The following LDLRAD4 variants were observed in gnomAD, a reference collection of about 807,000 sequenced individuals.
The protein encoded by LDLRAD4 is low-density lipoprotein receptor class A domain-containing protein 4.
A neutral mutation model predicts 17.0 loss-of-function variants in LDLRAD4; 5 were observed. The ratio of observed to expected loss-of-function variants is 0.29; its 90% CI spans 0.15 to 0.62. The LOEUF (loss-of-function observed/expected upper bound fraction) is 0.62, where lower values mean the gene tolerates loss of function less well. LDLRAD4 is among the 20% of genes least tolerant of loss of function. The pLI is 0.84. For synonymous variants in LDLRAD4, 168 were observed against 171.8 expected (o/e 0.98, Z 0.17); for missense variants, 340 against 424.7 (o/e 0.80, Z 1.75).
chr18:13,423,715 T>C (rs1014827693), intron 2 of LDLRAD4: 3 of 152,660 alleles, frequency 2.0e-5, no homozygotes, highest in African/African-American at 7.2e-5. Context: ...TAGAAAGCCC[T>C]GTTCACGTTT....
At chr18:13,294,739 C>T (rs747425998) in intron 1 of LDLRAD4, among the ~76,000 whole-genome samples, 11 of 151,718 alleles carry the variant, frequency 7.3e-5, no homozygotes, top group African/African-American at 2.4e-4. Context: ...AGGAAAATTC[C>T]GGTTGCAGAC....
At chr18:13,373,610 A>G (rs956097336) in intron 1 of LDLRAD4, among the ~76,000 whole-genome samples, 2 of 152,242 alleles carry the variant, frequency 1.3e-5, no homozygotes, top group African/African-American at 2.4e-5. Flanking sequence ...AGATTAATAT[A>G]TGCATTTTGA....
intron 1 of LDLRAD4, among the ~76,000 whole-genome samples, chr18:13,368,660 A>C (rs1332843401): frequency 6.6e-6 from 1 of 152,170 alleles, no homozygotes; most frequent in African/African-American, 2.4e-5. Context: ...AGATTTCTCC[A>C]GTCACTTTTA....
chr18:13,636,553 C>T lies in LDLRAD4; in HGVS notation c.337-6806C>T, dbSNP rs577738560. ...CTCTGTCGCCCAGGCTGGAGTGCAG[C>T]GGCGCGATCTCTGCTCACTACAACC... On this transcript the variant is annotated intron_variant, in intron 4 of 5. Coordinates refer to ENST00000359446, the Ensembl canonical transcript of LDLRAD4. Among the ~76,000 whole-genome samples the T allele has an allele frequency of 4.6e-3, 287 of 61,866 alleles. 3 individuals are homozygous for T. The highest frequency in any genetic ancestry group is 0.011 in the East Asian group (24 of 2,106). The allele number at this position is 61,866 out of a possible 152,430, so 40.6% of individuals were successfully genotyped here. A position where few individuals can be genotyped will look rare whatever the true frequency, so the allele number is the denominator to read the frequency against.
chr18:13,371,684 G>A (rs573977036), intron 1 of LDLRAD4, among the ~76,000 whole-genome samples: 2 of 152,118 alleles, frequency 1.3e-5, no homozygotes, highest in South Asian at 4.2e-4. Context: ...AGAATCGCCT[G>A]AACCCGAGAG....
chr18:13,596,759 C>A (rs2095101198), intron 3 of LDLRAD4, among the ~76,000 whole-genome samples: 1 of 152,128 alleles, frequency 6.6e-6, no homozygotes, highest in Non-Finnish European at 1.5e-5. Context: ...TTTTCTAGTT[C>A]TCTTCATTTG....
intron 3 of LDLRAD4, among the ~76,000 whole-genome samples, chr18:13,605,274 T>C (rs1568395783): frequency 1.3e-5 from 2 of 152,230 alleles, no homozygotes; most frequent in East Asian, 3.8e-4. Flanking sequence ...CTGGGGTGCA[T>C]TGGCACAATC....
intron 1 of LDLRAD4, among the ~76,000 whole-genome samples, chr18:13,255,573 G>A (rs1226234745): frequency 1.3e-5 from 2 of 152,222 alleles, no homozygotes; most frequent in African/African-American, 4.8e-5. Flanking sequence ...AGGGCCCAGG[G>A]TCCAGGTGGG....
chr18:13,649,839 C>A (rs1292538473), exon 6 of LDLRAD4: 1 of 392,532 alleles, frequency 2.5e-6, no homozygotes, highest in Non-Finnish European at 4.5e-6. Flanking sequence ...AGCCTTCATG[C>A]CACGAACATG....
At chr18:13,235,694 C>A (rs1457450069) in intron 1 of LDLRAD4, among the ~76,000 whole-genome samples, 1 of 152,188 alleles carries the variant, frequency 6.6e-6, no homozygotes, top group African/African-American at 2.4e-5. Context: ...CATATGCGAT[C>A]GGCTTTGGTT....
chr18:13,339,048 G>C (rs2082243536), intron 1 of LDLRAD4, among the ~76,000 whole-genome samples: 1 of 151,986 alleles, frequency 6.6e-6, no homozygotes, highest in Non-Finnish European at 1.5e-5. Context: ...ATTTTTGTAG[G>C]GAAAAAGGAG....
intron 1 of LDLRAD4, among the ~76,000 whole-genome samples, chr18:13,383,484 C>G (rs1191210414): frequency 6.6e-6 from 1 of 152,176 alleles, no homozygotes; most frequent in African/African-American, 2.4e-5. Context: ...GTTGTTTGGG[C>G]TGAGACTGGA....
chr18:13,226,219 C>T (rs1445366769), intron 1 of LDLRAD4, among the ~76,000 whole-genome samples: 1 of 97,998 alleles, frequency 1.0e-5, no homozygotes, highest in South Asian at 3.3e-4. Flanking sequence ...CCGGGTTTCG[C>T]CATGTTGCCC....
chr18:13,537,045 T>G (rs2094210247), intron 3 of LDLRAD4, among the ~76,000 whole-genome samples: 1 of 152,232 alleles, frequency 6.6e-6, no homozygotes, highest in Non-Finnish European at 1.5e-5. Flanking sequence ...CTAAGGACTT[T>G]TGCATCTGGC....
chr18:13,406,623 A>G (rs1451949340), intron 2 of LDLRAD4, among the ~76,000 whole-genome samples: 1 of 152,040 alleles, frequency 6.6e-6, no homozygotes, highest in South Asian at 2.1e-4. Context: ...CATTCTGACT[A>G]TCTCTGAGCG....
intron 3 of LDLRAD4, among the ~76,000 whole-genome samples, chr18:13,449,946 C>T (rs577394941): frequency 1.4e-4 from 21 of 152,090 alleles, no homozygotes; most frequent in Non-Finnish European, 2.5e-4. Flanking sequence ...AAATGATGGA[C>T]CTTCCATCAC....
intron 1 of LDLRAD4, among the ~76,000 whole-genome samples, chr18:13,224,205 G>T (rs1428282108): frequency 2.0e-5 from 3 of 152,214 alleles, no homozygotes; most frequent in African/African-American, 7.2e-5. Context: ...TATCCCTTGA[G>T]TTCCTTGAGA....
At chr18:13,248,389 G>GC (rs534565993) in intron 1 of LDLRAD4, among the ~76,000 whole-genome samples, 189 of 152,342 alleles carry the variant, frequency 1.2e-3, no homozygotes, top group South Asian at 2.1e-3. Flanking sequence ...ACCTCTGGAT[G>GC]CCCAGTGTCC....
chr18:13,502,132 G>A (rs889854576), intron 3 of LDLRAD4, among the ~76,000 whole-genome samples: 2 of 152,212 alleles, frequency 1.3e-5, no homozygotes, highest in African/African-American at 2.4e-5. Flanking sequence ...AATGAGGTAC[G>A]GAAAACCATT....
Sources: gnomAD v4.1 joint callset for allele counts (sites outside exome capture counted in the v4.1 genomes callset) on GRCh38, gnomAD v4.1.1 for gene constraint, MANE v1.5 for transcripts, NCBI Gene and HGNC (gene_info 2026-07-23, HGNC 2026-07-21) for gene names.